PTPRN2: variants seen among roughly 807,000 people sequenced by gnomAD.
The protein encoded by PTPRN2 is receptor-type tyrosine-protein phosphatase N2.
A neutral mutation model predicts 118.8 loss-of-function variants in PTPRN2; 74 were observed. The ratio of observed to expected loss-of-function variants is 0.62; its 90% CI spans 0.52 to 0.76. PTPRN2 has a LOEUF of 0.76. Ranked by LOEUF, PTPRN2 falls within the 30% of genes least tolerant of loss-of-function variation. The probability of loss-of-function intolerance (pLI) is 0.00; values close to 1 mark genes in which losing one functional copy is unlikely to be tolerated. For missense variants in PTPRN2, 1,481 were observed against 1,394.4 expected (o/e 1.06, Z -0.99); for synonymous variants, 641 against 608.0 (o/e 1.05, Z -0.80).
chr7:157,894,709 G>T (rs1302066336), intron 12 of PTPRN2, among the ~76,000 whole-genome samples: 2 of 152,094 alleles, frequency 1.3e-5, no homozygotes, highest in African/African-American at 2.4e-5. Context: ...TGTGGCCTTG[G>T]GGTGGATGGA....
In PTPRN2 at chr7:157,582,529, G is replaced by A. The variant is rs117809905; in HGVS notation, c.2497-4389C>T. ...GTGTTGGAGAGGATGTGGAAGAGAC[G>A]GAACCTTACACACTATACGGTAGCA... On this transcript the variant is annotated intron_variant, in intron 17 of 22. Transcript: ENST00000389418. Among the ~76,000 whole-genome samples, 123 of 152,178 alleles carry A rather than the reference G, an allele frequency of 8.1e-4. 1 individual carries two copies. In the East Asian group the frequency reaches 0.021, roughly 26 times the overall value.
intron 12 of PTPRN2, among the ~76,000 whole-genome samples, chr7:157,851,915 G>A (rs1264086012): frequency 1.3e-5 from 2 of 152,212 alleles, no homozygotes; most frequent in East Asian, 3.9e-4. Flanking sequence ...CAGCTCACTT[G>A]TGCCTCCGCC....
intron 3 of PTPRN2, among the ~76,000 whole-genome samples, chr7:158,259,719 ATG>A (rs1002402205): frequency 3.4e-5 from 5 of 148,274 alleles, no homozygotes; most frequent in African/African-American, 1.2e-4. Flanking sequence ...GTGTACAGGT[ATG>A]TGTGTTTGTG....
In PTPRN2 at chr7:157,998,424, C is replaced by T. The variant is rs1003019692; in HGVS notation, c.1723+82874G>A. On this transcript the variant is annotated intron_variant, in intron 11 of 22. Coordinates refer to ENST00000389418, the MANE Select transcript of PTPRN2 (RefSeq NM_002847.5). ...AGGACAGCAGACCACCTGCGTGAGACGCGGAGGAGCAGCAGCTCTGCCGTG... is the reference window on the plus strand; with the variant it reads ...AGGACAGCAGACCACCTGCGTGAGATGCGGAGGAGCAGCAGCTCTGCCGTG... Among the ~76,000 whole-genome samples the T allele has an allele frequency of 5.3e-5, 8 of 152,314 alleles. No individual in the cohort carries two copies. The East Asian group carries it at 9.6e-4, about 18-fold the overall frequency.
chr7:157,558,098 G>GGTTTTTTTTTTTTTTTTT (rs1423650081), intron 21 of PTPRN2, among the ~76,000 whole-genome samples: 1 of 138,130 alleles, frequency 7.2e-6, no homozygotes. Context: ...AGGGGGGATT[G>GGTTTTTTTTTTTTTTTTT]TTAAAAGGGA....
chr7:157,822,177 C>T (rs1204252475), intron 12 of PTPRN2, among the ~76,000 whole-genome samples: 1 of 152,020 alleles, frequency 6.6e-6, no homozygotes, highest in African/African-American at 2.4e-5. Context: ...CACTATCCAT[C>T]ATCCATCCAA....
At chr7:158,179,254 T>C (rs1824490143) in intron 5 of PTPRN2, among the ~76,000 whole-genome samples, 2 of 152,196 alleles carry the variant, frequency 1.3e-5, no homozygotes, top group Admixed American at 1.3e-4. Context: ...CCTTGATGAT[T>C]AGTGATGTTG....
At chr7:157,906,240 C>T (rs917420784) in intron 11 of PTPRN2, among the ~76,000 whole-genome samples, 4 of 152,282 alleles carry the variant, frequency 2.6e-5, no homozygotes, top group Admixed American at 6.5e-5. Context: ...TGGTCCCAAC[C>T]GGCACCTCCT....
At chr7:158,137,416 C>CA (rs1308741144) in intron 7 of PTPRN2, among the ~76,000 whole-genome samples, 1 of 152,012 alleles carries the variant, frequency 6.6e-6, no homozygotes, top group Non-Finnish European at 1.5e-5. Flanking sequence ...GACTCCATCT[C>CA]AAAAAATAAA....
In PTPRN2 at chr7:158,267,422, T is replaced by A. The variant is rs76904926; in HGVS notation, c.277+49397A>T. On this transcript the variant is annotated intron_variant, in intron 3 of 22. Transcript: ENST00000389418. ...CTGGAAGCCAGGGAGCATGTTTTTG[T>A]GTGAGTGTTGATTGTGGACAACGCC... Among the ~76,000 whole-genome samples the A allele has an allele frequency of 5.5e-3, 831 of 152,296 alleles. 11 individuals are homozygous for A. Among genetic ancestry groups the A allele is most frequent in the African/African-American group, 0.019 (787 of 41,564 alleles).
chr7:157,652,491 C>T (rs1259415827), intron 14 of PTPRN2, among the ~76,000 whole-genome samples: 2 of 152,246 alleles, frequency 1.3e-5, no homozygotes, highest in African/African-American at 4.8e-5. Context: ...CTGTGCTCCA[C>T]ATCTAGACCT....
chr7:157,664,106 A>G (rs1028381815), intron 13 of PTPRN2, among the ~76,000 whole-genome samples: 2 of 152,164 alleles, frequency 1.3e-5, no homozygotes, highest in African/African-American at 4.8e-5. Flanking sequence ...CTAGAAAGTG[A>G]CTGGCTACAG....
chr7:158,253,438 C>T (rs1796816960), intron 3 of PTPRN2, among the ~76,000 whole-genome samples: 1 of 152,240 alleles, frequency 6.6e-6, no homozygotes, highest in Admixed American at 6.5e-5. Flanking sequence ...AAGCACTCAA[C>T]AGAACCTTCC....
chr7:158,267,866 GACTTAGGAAC>G (rs1436977403), intron 3 of PTPRN2, among the ~76,000 whole-genome samples: 3 of 152,146 alleles, frequency 2.0e-5, no homozygotes, highest in African/African-American at 7.2e-5. Context: ...TGTGACCACG[GACTTAGGAAC>G]ACTGTTTCCT....
At chr7:158,321,480 G>A (rs73176156) in intron 2 of PTPRN2, among the ~76,000 whole-genome samples, 12 of 152,238 alleles carry the variant, frequency 7.9e-5, no homozygotes, top group Admixed American at 1.3e-4. Flanking sequence ...GGACTGACCC[G>A]TCCAGCTCTG....
At chr7:158,477,444 A>G (rs1395396919) in intron 2 of PTPRN2, among the ~76,000 whole-genome samples, 3 of 152,244 alleles carry the variant, frequency 2.0e-5, no homozygotes, top group African/African-American at 7.2e-5. Flanking sequence ...TTTATTCTAG[A>G]TAGTTCCAAA....
chr7:158,278,701 G>A (rs1271657428), intron 3 of PTPRN2, among the ~76,000 whole-genome samples: 1 of 152,216 alleles, frequency 6.6e-6, no homozygotes, highest in Non-Finnish European at 1.5e-5. Flanking sequence ...TGTGTCCAGA[G>A]TTTGTTCCTT....
chr7:158,362,301 G>C (rs2151294668), intron 2 of PTPRN2, among the ~76,000 whole-genome samples: 1 of 152,344 alleles, frequency 6.6e-6, no homozygotes, highest in East Asian at 1.9e-4. Context: ...GCAAGAGGAT[G>C]AAGGGACAGA....
intron 14 of PTPRN2, among the ~76,000 whole-genome samples, chr7:157,648,599 C>T (rs9769532): frequency 5.4e-5 from 7 of 129,972 alleles, no homozygotes; most frequent in African/African-American, 8.4e-5. Flanking sequence ...CTCGGTGGGT[C>T]GGACCCATCC....
Sources: gnomAD v4.1 joint callset for allele counts (sites outside exome capture counted in the v4.1 genomes callset) on GRCh38, gnomAD v4.1.1 for gene constraint, MANE v1.5 for transcripts, NCBI Gene and HGNC (gene_info 2026-07-23, HGNC 2026-07-21) for gene names.